COL28A1: variants seen among roughly 807,000 people sequenced by gnomAD.
COL28A1 encodes collagen type XXVIII alpha 1 chain.
COL28A1 carries 161 observed loss-of-function variants against 150.2 expected under a neutral mutation model. The observed-to-expected ratio is 1.07, with a 90% CI of 0.94 to 1.22. The LOEUF is 1.22. COL28A1 is among the 50% of genes most tolerant of loss of function. COL28A1 has a pLI of 0.00. For synonymous variants in COL28A1, 552 were observed against 469.7 expected, an observed-to-expected ratio of 1.18 and a Z score of -2.26; for missense variants, 1,617 against 1,388.3, an observed-to-expected ratio of 1.16 and a Z score of -2.62.
Position 7,373,928 on chromosome 7 carries a change from T to C in COL28A1, c.2360-382A>G, listed in dbSNP as rs1416420969. ...GTTAGCCAAGATGGTCTCGATCTCC[T>C]GACCTCGTGATATGCCCGCCTCGGC... is the stretch of plus-strand genomic sequence containing the variant. On this transcript the variant is annotated intron_variant, in intron 31 of 34. Transcript: ENST00000399429. This position sits in a 1 kb window ranked among gnomAD's most constrained non-coding sequence, Gnocchi z 4.1. Among the ~76,000 whole-genome samples the C allele has an allele frequency of 1.3e-5, 2 of 150,790 alleles. No homozygotes were observed. The highest frequency in any genetic ancestry group is 2.1e-4 in the South Asian group (1 of 4,804).
chr7:7,360,649 C>G (rs1323284720), intron 33 of COL28A1, 121 bp from the exon 34 acceptor site: 1 of 811,768 alleles, frequency 1.2e-6, no homozygotes, highest in East Asian at 2.9e-5. Flanking sequence ...CTCTCTGATA[C>G]TAACTATTTC....
intron 9 of COL28A1, among the ~76,000 whole-genome samples, chr7:7,507,460 G>A (rs1562863391): frequency 6.6e-6 from 1 of 152,122 alleles, no homozygotes; most frequent in East Asian, 1.9e-4. Flanking sequence ...ATTCCTTAGA[G>A]GGCTATAAAC....
chr7:7,446,313 G>T (rs1437740384), intron 18 of COL28A1, among the ~76,000 whole-genome samples: 6 of 152,048 alleles, frequency 3.9e-5, no homozygotes, highest in African/African-American at 1.4e-4. Flanking sequence ...TTAAGTCATA[G>T]AAAATTGGTG....
the COL28A1 span, among the ~76,000 whole-genome samples, chr7:7,348,462 A>G: frequency 2.0e-5 from 3 of 150,926 alleles, no homozygotes; most frequent in African/African-American, 7.4e-5. Context: ...GTTCTAGCAC[A>G]CTCTCACTCG....
At chr7:7,375,598 A>G (rs1172613484) in intron 30 of COL28A1, 101 bp from the exon 31 acceptor site, 4 of 643,638 alleles carry the variant, frequency 6.2e-6, no homozygotes, top group Middle Eastern at 4.7e-4. Flanking sequence ...GGACCATTTG[A>G]TTTAATCCTT....
chr7:7,473,799 A>G (rs1019945183), intron 15 of COL28A1, among the ~76,000 whole-genome samples: 2 of 152,064 alleles, frequency 1.3e-5, no homozygotes, highest in African/African-American at 2.4e-5. Context: ...ATGCCCATCA[A>G]TCAATGAGTG....
chr7:7,383,519 T>G (rs1490976300), intron 27 of COL28A1, among the ~76,000 whole-genome samples: 1 of 151,864 alleles, frequency 6.6e-6, no homozygotes, highest in African/African-American at 2.4e-5. Context: ...CCTTAGGTGA[T>G]TCACCTGCCT....
chr7:7,511,135 C>A lies in COL28A1; in HGVS notation c.883G>T (p.Gly295Cys). 1 of 1,610,662 alleles carries A rather than the reference C, an allele frequency of 6.2e-7. No homozygotes were observed. Among genetic ancestry groups the A allele is most frequent in the South Asian group, 1.1e-5 (1 of 90,934 alleles). ...GGTTTACCACATTCCCCACGTTCAC[C>A]CTAAAAAATAAATAAGTGAAATAAA... ...GGIPGYKGDK[G>C]ERGECGKPGI... The change falls in exon 9 of 35, where the codon GGT (glycine) becomes TGT (cysteine). Residue 295 changes from glycine to cysteine, a missense_variant and splice_region_variant. Transcript: ENST00000399429.
At chr7:7,512,274 T>C (rs1054473722) in intron 8 of COL28A1, among the ~76,000 whole-genome samples, 1 of 152,152 alleles carries the variant, frequency 6.6e-6, no homozygotes, top group Non-Finnish European at 1.5e-5. Flanking sequence ...AGCAATAAGT[T>C]CAAGAGATCT....
At chr7:7,444,600 T>C (rs1185385888) in intron 18 of COL28A1, 111 bp from the exon 19 acceptor site, 3 of 978,992 alleles carry the variant, frequency 3.1e-6, no homozygotes, top group African/African-American at 3.3e-5. Flanking sequence ...GAAATCTCAT[T>C]AGCAATTAAT....
At chr7:7,343,164 T>TTA in the COL28A1 span, among the ~76,000 whole-genome samples, 3,761 of 151,058 alleles carry the variant, frequency 0.025, 186 homozygotes, top group African/African-American at 0.086. Flanking sequence ...TAGTTTCATA[T>TTA]TATATATATA....
In COL28A1 at chr7:7,489,397, C is replaced by T. The variant is rs564068207; in HGVS notation, c.1156G>A (p.Gly386Arg). ...GAATTTTTGCTACTTACTGGCTGTC[C>T]AGGCTCACCAACTCCAATGGGTCCT... ...APGPIGVGEPGQPGPRGPEGV... is the reference protein window; with the variant it reads ...APGPIGVGEPRQPGPRGPEGV... Residue 386 changes from glycine to arginine, a missense_variant, in exon 13 of 35, where the codon GGA becomes AGA. Coordinates refer to ENST00000399429, the MANE Select transcript of COL28A1 (RefSeq NM_001037763.3). 1.5e-6 allele frequency: 2 copies of T among 1,376,758 alleles called. No homozygotes were observed. The highest frequency in any genetic ancestry group is 2.3e-5 in the East Asian group (1 of 43,866). The allele number at this position is 1,376,758 out of a possible 1,614,324, so 85.3% of individuals were successfully genotyped here. A position where few individuals can be genotyped will look rare whatever the true frequency, so the allele number is the denominator to read the frequency against.
chr7:7,441,207 A>G (rs1316652000), intron 20 of COL28A1, among the ~76,000 whole-genome samples: 1 of 152,224 alleles, frequency 6.6e-6, no homozygotes, highest in Non-Finnish European at 1.5e-5. Flanking sequence ...AGTACTATCT[A>G]TGCTTTTTCA....
intron 3 of COL28A1, among the ~76,000 whole-genome samples, chr7:7,527,680 C>G (rs577755060): frequency 5.3e-5 from 8 of 152,218 alleles, no homozygotes; most frequent in Admixed American, 1.3e-4. Flanking sequence ...GGGAAAGGGT[C>G]TCATGACAGC....
At chr7:7,477,227 G>T in intron 13 of COL28A1, 47 bp from the exon 14 acceptor site, 1 of 856,076 alleles carries the variant, frequency 1.2e-6, no homozygotes, top group Middle Eastern at 2.2e-4. Flanking sequence ...AGAGAAAAGG[G>T]AAAGAGGAGT....
chr7:7,540,063 AC>A (rs1782758362), upstream of COL28A1, among the ~76,000 whole-genome samples: 1 of 115,180 alleles, frequency 8.7e-6, no homozygotes, highest in Admixed American at 8.1e-5. Context: ...ATTATTTTAG[AC>A]CAAAAATAAA....
rs188476753 is a variant in COL28A1 at position 7,377,693 on chromosome 7, G to C, written c.2323-2196C>G. On this transcript the variant is annotated intron_variant, in intron 30 of 34. Transcript: ENST00000399429. ...TGTTGAAGAGTGTGAACTTTCTCCT[G>C]GGCAGTGGGACTCACATGATCCCTA... 1.7e-4 allele frequency among the ~76,000 whole-genome samples: 26 copies of C among 152,098 alleles called. 1 individual carries two copies. In the East Asian group the frequency reaches 3.9e-3, roughly 23 times the overall value.
intron 6 of COL28A1, 31 bp downstream of exon 6, chr7:7,520,031 T>G (rs1459120074): frequency 6.7e-6 from 7 of 1,048,116 alleles, no homozygotes; most frequent in African/African-American, 1.6e-5. Flanking sequence ...GGAGATACGC[T>G]GGTTTAAAGA....
chr7:7,354,513 T>A (rs1780305877), downstream of COL28A1, among the ~76,000 whole-genome samples: 1 of 152,158 alleles, frequency 6.6e-6, no homozygotes, highest in Admixed American at 6.5e-5. Context: ...TAAAACTTAA[T>A]ACTTGCTTAT....
Sources: allele counts gnomAD v4.1 joint callset (sites outside exome capture counted in the v4.1 genomes callset), GRCh38; gene constraint gnomAD v4.1.1; non-coding constraint Gnocchi (gnomAD v3.1); transcripts MANE v1.5; gene names NCBI Gene and HGNC (gene_info 2026-07-23, HGNC 2026-07-21).